TNR: variants seen among roughly 807,000 people sequenced by gnomAD.
TNR encodes the protein tenascin-R.
A neutral mutation model predicts 150.4 loss-of-function variants in TNR; 45 were observed. The ratio of observed to expected loss-of-function variants is 0.30; its 90% confidence interval spans 0.24 to 0.38. TNR has a LOEUF of 0.38. TNR is among the 10% of genes least tolerant of loss of function. The pLI, the probability that TNR is intolerant of heterozygous loss-of-function variation, is 1.00. For missense variants in TNR, 1,544 were observed against 1,759.1 expected (o/e 0.88, Z 2.19); for synonymous variants, 687 against 678.4 (o/e 1.01, Z -0.20).
intron 2 of TNR, among the ~76,000 whole-genome samples, chr1:175,433,177 C>T (rs1285776723): frequency 6.6e-6 from 1 of 152,174 alleles, no homozygotes; most frequent in Admixed American, 6.5e-5. Context: ...AATACTAGTG[C>T]TGAACTGGAT....
Position 175,359,698 on chromosome 1 carries a change from T to C in TNR, c.2888A>G (p.Asn963Ser), listed in dbSNP as rs780363494. The change falls in exon 15 of 23, where the codon AAT (asparagine) becomes AGT (serine). Residue 963 changes from asparagine to serine, a missense_variant. Around this residue, in one of 2 missense-constraint regions of TNR, gnomAD observed 1,254 missense variants for 1,329.4 expected, o/e 0.94. Coordinates refer to ENST00000367674, the MANE Select transcript of TNR (RefSeq NM_003285.3). ...CAGCAGGGCTTCTGTTGGAGTGATATTGGTAGCAATCAGATCCACAGGGTT... is the reference window on the plus strand; with the variant it reads ...CAGCAGGGCTTCTGTTGGAGTGATACTGGTAGCAATCAGATCCACAGGGTT... ...MDNPVDLIATNITPTEALLQW... is the reference protein window; with the variant it reads ...MDNPVDLIATSITPTEALLQW... 2 of 1,613,688 alleles carry C rather than the reference T, an allele frequency of 1.2e-6. No individual in the cohort carries two copies. The highest frequency in any genetic ancestry group is 1.1e-5 in the South Asian group (1 of 91,022).
chr1:175,350,696 G>A (rs569663635), intron 18 of TNR, among the ~76,000 whole-genome samples: 1 of 152,256 alleles, frequency 6.6e-6, no homozygotes, highest in Admixed American at 6.5e-5. Context: ...GATCAAAGGA[G>A]GTTTTTGAGG....
chr1:175,331,048 T>TCTTTCTTTCTTTCTTTCTTG (rs1649779281), intron 20 of TNR, among the ~76,000 whole-genome samples: 1 of 90,664 alleles, frequency 1.1e-5, no homozygotes, highest in African/African-American at 4.0e-5. Context: ...TTTCTTTCTT[T>TCTTTCTTTCTTTCTTTCTTG]CTTTCTTTCT....
intron 1 of TNR, among the ~76,000 whole-genome samples, chr1:175,544,524 G>C (rs184805287): frequency 2.6e-5 from 4 of 152,290 alleles, no homozygotes; most frequent in East Asian, 3.9e-4. Context: ...TTGAATTTTG[G>C]ACATATTAAA....
rs556929210 is a variant in TNR at position 175,382,686 on chromosome 1, G to C, written c.1778-2949C>G. 1.4e-3 allele frequency among the ~76,000 whole-genome samples: 209 copies of C among 152,288 alleles called. 1 individual carries two copies. The highest frequency in any genetic ancestry group is 4.9e-3 in the African/African-American group (203 of 41,558). On this transcript the variant is annotated intron_variant, in intron 8 of 22. Coordinates refer to ENST00000367674, the MANE Select transcript of TNR (RefSeq NM_003285.3). ...GGAGGCCGAGGCGGGCAGATCATGAGGTCAGGAGATCGAGACCATCCTGGC... is the reference window on the plus strand; with the variant it reads ...GGAGGCCGAGGCGGGCAGATCATGACGTCAGGAGATCGAGACCATCCTGGC...
In TNR at chr1:175,468,863, G is replaced by T. The variant is rs76418230; in HGVS notation, c.-64+59406C>A. Among the ~76,000 whole-genome samples, 352 of 152,174 alleles carry T rather than the reference G, an allele frequency of 2.3e-3. 4 individuals are homozygous for T. In the East Asian group the frequency reaches 0.033, roughly 14 times the overall value. Reference sequence around the variant, plus strand: ...AGTAGTAAAAGAGAATTTCTGAAGGGCTCTCATAAGGTGAGCACAAAGCTG... The same window carrying T: ...AGTAGTAAAAGAGAATTTCTGAAGGTCTCTCATAAGGTGAGCACAAAGCTG... On this transcript the variant is annotated intron_variant, in intron 2 of 22. Transcript: ENST00000367674.
chr1:175,579,242 T>C (rs2102226996), intron 1 of TNR, among the ~76,000 whole-genome samples: 1 of 151,780 alleles, frequency 6.6e-6, no homozygotes, highest in African/African-American at 2.4e-5. Flanking sequence ...CCTACCTGCC[T>C]GCCTGCCTGA....
rs769836079 is a variant in TNR, at chr1:175,406,697, T to G, written c.18A>C (p.Glu6Asp). The G allele has an allele frequency of 6.2e-7, 1 of 1,614,072 alleles. No homozygotes were observed. The highest frequency in any genetic ancestry group is 2.2e-5 in the East Asian group (1 of 44,888). Residue 6 changes from glutamate (E) to aspartate (D), a missense_variant, in exon 3 of 23, where the codon GAA becomes GAC. Physicochemically the swap from Glu to Asp is conservative, Grantham distance 45 (BLOSUM62 2). Coordinates refer to ENST00000367674, the MANE Select transcript of TNR (RefSeq NM_003285.3). ...TGAGCATGTTCTTCAGAACCACTGT[T>G]TCCCCATCTGCCCCCATCCTCTCAG... Reference protein sequence around the residue: MGADGETVVLKNMLIG... With the variant: MGADGDTVVLKNMLIG...
At chr1:175,669,309 C>T (rs532790957) in intron 1 of TNR, among the ~76,000 whole-genome samples, 1 of 152,316 alleles carries the variant, frequency 6.6e-6, no homozygotes, top group Non-Finnish European at 1.5e-5. Context: ...CGTTGCCAGG[C>T]ACAGGGCCAG....
At chr1:175,398,486 A>T (rs1466320867) in intron 4 of TNR, among the ~76,000 whole-genome samples, 1 of 152,232 alleles carries the variant, frequency 6.6e-6, no homozygotes, top group African/African-American at 2.4e-5. Flanking sequence ...CCTTTGGGAC[A>T]ACCTATATAA....
At chr1:175,389,983 A>T (rs181173699) in intron 7 of TNR, among the ~76,000 whole-genome samples, 6 of 152,370 alleles carry the variant, frequency 3.9e-5, no homozygotes, top group Admixed American at 3.9e-4. Context: ...ATGGATGTAC[A>T]AAATATAAAA....
chr1:175,355,455 G>A (rs1203466008), intron 17 of TNR, 48 bp downstream of exon 17: 2 of 1,600,146 alleles, frequency 1.2e-6, no homozygotes, highest in Admixed American at 1.7e-5. Flanking sequence ...GTTTCCACAT[G>A]GCCTCACTTG....
At chr1:175,734,477 T>A (rs1667721506) in intron 1 of TNR, among the ~76,000 whole-genome samples, 1 of 152,142 alleles carries the variant, frequency 6.6e-6, no homozygotes, top group Admixed American at 6.5e-5. Context: ...CAGAGTTTCA[T>A]CGACTGTTTC....
At chr1:175,738,228 GCAA>G (rs1390929094) in intron 1 of TNR, among the ~76,000 whole-genome samples, 1 of 152,100 alleles carries the variant, frequency 6.6e-6, no homozygotes, top group Non-Finnish European at 1.5e-5. Context: ...TAAAGCAGAG[GCAA>G]TTGGCAAGAA....
intron 1 of TNR, among the ~76,000 whole-genome samples, chr1:175,645,015 G>T (rs1664769656): frequency 6.6e-6 from 1 of 152,176 alleles, no homozygotes; most frequent in Admixed American, 6.5e-5. Context: ...ATGATGAAAT[G>T]AACAAATTAG....
chr1:175,576,019 T>C (rs980742056), intron 1 of TNR, among the ~76,000 whole-genome samples: 1 of 152,202 alleles, frequency 6.6e-6, no homozygotes, highest in East Asian at 1.9e-4. Context: ...AGCCAGCAGC[T>C]ATTTTTTCCC....
intron 18 of TNR, among the ~76,000 whole-genome samples, chr1:175,347,987 C>T (rs112571082): frequency 0.015 from 2,250 of 152,070 alleles, 67 homozygotes; most frequent in African/African-American, 0.052. Flanking sequence ...TTGTAGATGA[C>T]ATAAAACATT....
intron 2 of TNR, among the ~76,000 whole-genome samples, chr1:175,477,784 A>G (rs1657613776): frequency 6.6e-6 from 1 of 152,236 alleles, no homozygotes; most frequent in African/African-American, 2.4e-5. Context: ...CAGTTCTTAT[A>G]CAAACACAGG....
intron 1 of TNR, among the ~76,000 whole-genome samples, chr1:175,638,778 C>T (rs1664561831): frequency 6.6e-6 from 1 of 152,150 alleles, no homozygotes; most frequent in Non-Finnish European, 1.5e-5. Flanking sequence ...CTAAATTATG[C>T]CCTGTGGCAT....
Sources: gnomAD v4.1 joint callset for allele counts (sites outside exome capture counted in the v4.1 genomes callset) on GRCh38, gnomAD v4.1.1 for gene constraint, gnomAD v4.1.1 regional missense constraint, MANE v1.5 for transcripts, NCBI Gene and HGNC (gene_info 2026-07-23, HGNC 2026-07-21) for gene names.